Variants in MAGI1 observed in about 807,000 individuals in gnomAD.
The protein encoded by MAGI1 is membrane-associated guanylate kinase, WW and PDZ domain-containing protein 1.
Under a neutral mutation model 139.9 loss-of-function variants are expected in MAGI1, and 58 were observed. The observed-to-expected ratio is 0.41, with a 90% CI of 0.34 to 0.52. The LOEUF is 0.52. MAGI1 is among the 20% of genes least tolerant of loss of function. The pLI, the probability that MAGI1 is intolerant of heterozygous loss-of-function variation, is 0.12. For synonymous variants in MAGI1, 812 were observed against 737.9 expected, an observed-to-expected ratio of 1.10 and a Z score of -1.63; for missense variants, 1,874 against 1,901.6, an observed-to-expected ratio of 0.99 and a Z score of 0.27.
chr3:65,645,267 T>A (rs57922926), intron 1 of MAGI1, among the ~76,000 whole-genome samples: 4,700 of 152,146 alleles, frequency 0.031, 101 homozygotes, highest in Middle Eastern at 0.065. Context: ...ACTCAAATTT[T>A]TGAGAACTGA....
chr3:65,870,041 T>C (rs2059885237), intron 1 of MAGI1, among the ~76,000 whole-genome samples: 1 of 152,196 alleles, frequency 6.6e-6, no homozygotes, highest in East Asian at 1.9e-4. Flanking sequence ...TTTCTGAATC[T>C]GGGAGAGCCA....
At chr3:65,923,836 C>T (rs540849223) in intron 1 of MAGI1, among the ~76,000 whole-genome samples, 3 of 152,146 alleles carry the variant, frequency 2.0e-5, no homozygotes, top group Admixed American at 6.5e-5. Context: ...CAAAAAAGAG[C>T]GTTGTTTCCT....
chr3:65,744,511 T>C (rs181555591), intron 1 of MAGI1, among the ~76,000 whole-genome samples: 1 of 152,216 alleles, frequency 6.6e-6, no homozygotes, highest in Non-Finnish European at 1.5e-5. Context: ...TGAGTCTGGT[T>C]AGAATGAAAT....
intron 2 of MAGI1, among the ~76,000 whole-genome samples, chr3:65,621,015 G>GT (rs11373923): frequency 0.7 from 105,507 of 150,582 alleles, 37,285 homozygotes; most frequent in Non-Finnish European, 0.75. Context: ...TCATTTGCAA[G>GT]TTTTTTTTTT....
chr3:65,774,123 T>G (rs2038182863), intron 1 of MAGI1, among the ~76,000 whole-genome samples: 1 of 146,372 alleles, frequency 6.8e-6, no homozygotes, highest in Admixed American at 7.0e-5. Flanking sequence ...AAAAAAAAAT[T>G]AATTGCTAAC....
intron 1 of MAGI1, among the ~76,000 whole-genome samples, chr3:65,810,719 C>T (rs945033844): frequency 1.3e-5 from 2 of 152,208 alleles, no homozygotes; most frequent in Admixed American, 6.5e-5. Context: ...GGAAAGCCCG[C>T]ACTCCACAAA....
intron 1 of MAGI1, among the ~76,000 whole-genome samples, chr3:65,918,442 G>A (rs928069011): frequency 4.0e-5 from 6 of 148,410 alleles, no homozygotes; most frequent in South Asian, 4.3e-4. Context: ...GTGCAATGGC[G>A]CGATCTCGGC....
At chr3:65,477,359 A>G (rs1026220316) in intron 4 of MAGI1, among the ~76,000 whole-genome samples, 12 of 152,154 alleles carry the variant, frequency 7.9e-5, no homozygotes, top group Admixed American at 3.9e-4. Flanking sequence ...AAAACAGTCC[A>G]CTCATCTCCA....
At chr3:65,395,230 G>C (rs543366244) in intron 13 of MAGI1, among the ~76,000 whole-genome samples, 8 of 152,258 alleles carry the variant, frequency 5.3e-5, no homozygotes, top group African/African-American at 1.9e-4. Context: ...ATGTATCTAA[G>C]TGTGTGTATA....
intron 1 of MAGI1, among the ~76,000 whole-genome samples, chr3:65,835,635 T>G (rs2042762756): frequency 6.6e-6 from 1 of 152,230 alleles, no homozygotes; most frequent in Non-Finnish European, 1.5e-5. Context: ...AACGACTCTG[T>G]CTGGTGTATT....
chr3:65,798,070 C>T (rs752169934), intron 1 of MAGI1, among the ~76,000 whole-genome samples: 2 of 152,236 alleles, frequency 1.3e-5, no homozygotes, highest in Non-Finnish European at 1.5e-5. Context: ...CTTTGGGAGG[C>T]CAAGGCAGGC....
chr3:65,490,523 T>C (rs977425787), intron 3 of MAGI1, among the ~76,000 whole-genome samples: 1 of 152,082 alleles, frequency 6.6e-6, no homozygotes, highest in African/African-American at 2.4e-5. Context: ...AGAGTCAATA[T>C]AATATACTCT....
chr3:65,728,946 G>T (rs543286352), intron 1 of MAGI1, among the ~76,000 whole-genome samples: 2 of 152,100 alleles, frequency 1.3e-5, no homozygotes, highest in South Asian at 2.1e-4. Context: ...CATTTACTGT[G>T]TTTAATAACT....
intron 1 of MAGI1, among the ~76,000 whole-genome samples, chr3:65,967,516 G>GC (rs2064813681): frequency 6.6e-6 from 1 of 152,144 alleles, no homozygotes; most frequent in East Asian, 1.9e-4. Context: ...GTTACAGGTT[G>GC]CCCCAACTGG....
intron 1 of MAGI1, among the ~76,000 whole-genome samples, chr3:65,916,166 A>C (rs1350466441): frequency 6.6e-6 from 1 of 151,932 alleles, no homozygotes; most frequent in African/African-American, 2.4e-5. Context: ...TCCCGGGTTG[A>C]CGCGATTCTC....
chr3:65,688,147 G>T, intron 1 of MAGI1: 1 of 756,450 alleles, frequency 1.3e-6, no homozygotes, highest in Non-Finnish European at 2.4e-6. Context: ...TTCCTGCCAG[G>T]GTCCATGGGT....
Position 65,357,058 on chromosome 3 carries a change from G to A in MAGI1, c.3709C>T (p.Arg1237Trp), listed in dbSNP as rs779875559. The change falls in exon 23 of 23, where the codon CGG becomes TGG. Residue 1237 changes from arginine to tryptophan, a missense_variant. By Grantham distance (101) the Arg-to-Trp change is moderately radical. Around this residue, in one of 5 missense-constraint regions of MAGI1, gnomAD observed 653 missense variants for 644.5 expected, o/e 1.01. Transcript: ENST00000402939. ...CTGGACTCCAATGACGGATGCTGCC[G>A]GCGGTCGGGCCCGGCCCTCACTTCC... ...VPEVRAGPDR[R>W]QHPSLESSYP... is the part of the protein sequence containing the mutation. The A allele has an allele frequency of 6.2e-7, 1 of 1,614,190 alleles. No individual in the cohort carries two copies.
intron 6 of MAGI1, among the ~76,000 whole-genome samples, chr3:65,448,622 A>G (rs1257808690): frequency 6.6e-6 from 1 of 152,090 alleles, no homozygotes; most frequent in Admixed American, 6.6e-5. Flanking sequence ...GATAAAATAT[A>G]TCAAAGAAGA....
At chr3:65,426,583 C>T (rs118055418) in intron 12 of MAGI1, among the ~76,000 whole-genome samples, 5 of 152,280 alleles carry the variant, frequency 3.3e-5, no homozygotes, top group East Asian at 1.9e-4. Flanking sequence ...TAGAAAGAAT[C>T]GGTAAAGTGG....
Sources: allele counts gnomAD v4.1 joint callset (sites outside exome capture counted in the v4.1 genomes callset), GRCh38; gene constraint gnomAD v4.1.1; regional missense constraint gnomAD v4.1.1; transcripts MANE v1.5; gene names NCBI Gene and HGNC (gene_info 2026-07-23, HGNC 2026-07-21).